RYR3: variants seen among roughly 807,000 people sequenced by gnomAD.
The protein encoded by RYR3 is brain ryanodine receptor-calcium release channel.
In RYR3, 207 loss-of-function variants were observed where a neutral mutation model predicts 584.3. The ratio of observed to expected loss-of-function variants is 0.35; its 90% CI spans 0.32 to 0.40. The LOEUF is 0.40. Ranked by LOEUF, RYR3 falls within the 10% of genes least tolerant of loss-of-function variation. The pLI is 1.00. For synonymous variants in RYR3, 2,416 were observed against 2,248.5 expected (o/e 1.07, Z -2.11); for missense variants, 5,616 against 6,089.2 (o/e 0.92, Z 2.59).
intron 102 of RYR3, among the ~76,000 whole-genome samples, chr15:33,863,937 A>G (rs541779002): frequency 5.3e-5 from 8 of 152,336 alleles, no homozygotes; most frequent in African/African-American, 1.7e-4. Flanking sequence ...CTCTCCTCAC[A>G]AAGTGGCTAA....
intron 67 of RYR3, among the ~76,000 whole-genome samples, chr15:33,800,171 T>C (rs996487930): frequency 6.6e-6 from 1 of 152,228 alleles, no homozygotes; most frequent in African/African-American, 2.4e-5. Context: ...CAAACCATTT[T>C]AGAGGGCATA....
chr15:33,341,559 C>T (rs974997076), intron 1 of RYR3, among the ~76,000 whole-genome samples: 1 of 152,166 alleles, frequency 6.6e-6, no homozygotes, highest in African/African-American at 2.4e-5. Flanking sequence ...ATCTGAGTGG[C>T]TGTTTTCTGA....
intron 3 of RYR3, among the ~76,000 whole-genome samples, chr15:33,511,213 C>A (rs1024198312): frequency 2.7e-5 from 4 of 150,808 alleles, no homozygotes; most frequent in Non-Finnish European, 4.4e-5. Flanking sequence ...TTGATGACAT[C>A]AGCACTGTAC....
intron 14 of RYR3, 29 bp from the exon 15 acceptor site, chr15:33,584,366 T>G (rs1264299978): frequency 1.5e-6 from 2 of 1,312,392 alleles, no homozygotes; most frequent in South Asian, 2.5e-5. Flanking sequence ...TCCTTTAACC[T>G]CTATGATCAA....
intron 1 of RYR3, among the ~76,000 whole-genome samples, chr15:33,432,558 G>A (rs1299542510): frequency 6.6e-6 from 1 of 151,136 alleles, no homozygotes; most frequent in Non-Finnish European, 1.5e-5. Flanking sequence ...TGACCACAGA[G>A]ACCCACTTAA....
intron 3 of RYR3, among the ~76,000 whole-genome samples, chr15:33,516,821 A>G (rs1250995963): frequency 6.6e-6 from 1 of 152,066 alleles, no homozygotes; most frequent in Non-Finnish European, 1.5e-5. Context: ...CCCAGTTTGT[A>G]ACCCATGAGA....
At chr15:33,318,448 G>C (rs1451885026) in intron 1 of RYR3, among the ~76,000 whole-genome samples, 1 of 152,202 alleles carries the variant, frequency 6.6e-6, no homozygotes, top group East Asian at 1.9e-4. Context: ...TACCACTGAT[G>C]ATTAACATCA....
At chr15:33,343,255 CTT>C (rs1972044023) in intron 1 of RYR3, among the ~76,000 whole-genome samples, 2 of 152,212 alleles carry the variant, frequency 1.3e-5, no homozygotes, top group African/African-American at 2.4e-5. Context: ...GAGTGTAGCT[CTT>C]TGCCCTTACA....
At chr15:33,825,723 C>CTTTTTTTT (rs374617439) in intron 82 of RYR3, 47 bp downstream of exon 82, 2 of 473,102 alleles carry the variant, frequency 4.2e-6, no homozygotes, top group South Asian at 2.5e-5. Flanking sequence ...TGATTAAAAT[C>CTTTTTTTT]TTTTTTTTTT....
intron 1 of RYR3, among the ~76,000 whole-genome samples, chr15:33,450,649 T>A (rs1436153039): frequency 1.3e-5 from 2 of 152,050 alleles, no homozygotes; most frequent in Non-Finnish European, 2.9e-5. Flanking sequence ...TACGTATGTA[T>A]CTTTTATTTA....
intron 2 of RYR3, among the ~76,000 whole-genome samples, chr15:33,485,757 A>G (rs1021930338): frequency 5.3e-5 from 8 of 152,224 alleles, no homozygotes; most frequent in African/African-American, 1.9e-4. Context: ...TCTCTGCAGC[A>G]GTCCCAGCAC....
intron 96 of RYR3, among the ~76,000 whole-genome samples, chr15:33,854,041 T>C (rs2079379849): frequency 6.6e-6 from 1 of 151,846 alleles, no homozygotes; most frequent in Non-Finnish European, 1.5e-5. Flanking sequence ...ATAATATTTT[T>C]AAAAAGTAGC....
chr15:33,775,226 C>T (rs2073915564), intron 64 of RYR3, among the ~76,000 whole-genome samples: 1 of 152,148 alleles, frequency 6.6e-6, no homozygotes, highest in South Asian at 2.1e-4. Flanking sequence ...TAGGTTAAGG[C>T]TGTCCCTATT....
chr15:33,706,841 CTTG>C, intron 42 of RYR3, 75 bp from the exon 43 acceptor site: 1 of 1,386,662 alleles, frequency 7.2e-7, no homozygotes, highest in Admixed American at 2.2e-5. Flanking sequence ...TCAACCAACA[CTTG>C]TTATTTTTTG....
At chr15:33,484,478 G>A (rs59436137) in intron 2 of RYR3, among the ~76,000 whole-genome samples, 29,676 of 152,154 alleles carry the variant, frequency 0.2, 6,418 homozygotes, top group African/African-American at 0.54. Context: ...AAAGATAGGT[G>A]ATGAGGGCAC....
chr15:33,532,194 C>CT (rs2141063723), intron 4 of RYR3, among the ~76,000 whole-genome samples: 2 of 152,318 alleles, frequency 1.3e-5, no homozygotes, highest in African/African-American at 4.8e-5. Flanking sequence ...GCCTCTCAGT[C>CT]TAATCCTAAG....
At chr15:33,827,345 A>G in intron 85 of RYR3, 58 bp downstream of exon 85, 1 of 1,451,840 alleles carries the variant, frequency 6.9e-7, no homozygotes, top group South Asian at 1.2e-5. Flanking sequence ...GAAGATAAAC[A>G]CAGTTACACA....
intron 57 of RYR3, among the ~76,000 whole-genome samples, chr15:33,753,679 A>G (rs1041021447): frequency 1.7e-4 from 26 of 152,294 alleles, no homozygotes; most frequent in African/African-American, 5.8e-4. Context: ...AAACATTTCT[A>G]TTGTATCTCA....
At chr15:33,349,387 T>C (rs544316396) in intron 1 of RYR3, among the ~76,000 whole-genome samples, 17 of 152,192 alleles carry the variant, frequency 1.1e-4, no homozygotes, top group Middle Eastern at 3.4e-3. Flanking sequence ...CCATTTTGAG[T>C]TCCCACCAGC....
Sources: allele counts gnomAD v4.1 joint callset (sites outside exome capture counted in the v4.1 genomes callset), GRCh38; gene constraint gnomAD v4.1.1; transcripts MANE v1.5; gene names NCBI Gene and HGNC (gene_info 2026-07-23, HGNC 2026-07-21).